The following ZFAND3 variants were observed in gnomAD, a reference collection of about 807,000 sequenced individuals.
ZFAND3 encodes AN1-type zinc finger protein 3.
In ZFAND3, 10 loss-of-function variants were observed where a neutral mutation model predicts 29.6. The observed-to-expected ratio is 0.34, with a 90% CI of 0.21 to 0.57. The LOEUF (loss-of-function observed/expected upper bound fraction) is 0.57, where lower values mean the gene tolerates loss of function less well. Ranked by LOEUF, ZFAND3 falls within the 20% of genes least tolerant of loss-of-function variation. The pLI is 0.86. For synonymous variants in ZFAND3, 128 were observed against 112.6 expected, an observed-to-expected ratio of 1.14 and a Z score of -0.87; for missense variants, 230 against 304.5, an observed-to-expected ratio of 0.76 and a Z score of 1.82.
intron 5 of ZFAND3, among the ~76,000 whole-genome samples, chr6:38,133,040 C>CA (rs1455295478): frequency 5.9e-5 from 9 of 152,200 alleles, no homozygotes; most frequent in African/African-American, 1.9e-4. Flanking sequence ...GGACTGGACT[C>CA]AGTGTTTGTC....
intron 1 of ZFAND3, among the ~76,000 whole-genome samples, chr6:37,918,242 A>AT (rs1761301074): frequency 6.6e-6 from 1 of 151,928 alleles, no homozygotes; most frequent in East Asian, 1.9e-4. Context: ...ACGCTGGCTA[A>AT]TTTTTTGTAT....
rs115378991 is a variant in ZFAND3, at chr6:37,864,071, T to C, written c.71+44055T>C. ...GCAACTCAAAATTTGTGTTTAATAT[T>C]TGCACCTTATGTTTAATGAACATAA... On this transcript the variant is annotated intron_variant, in intron 1 of 5. Transcript: ENST00000287218. 3.1e-3 allele frequency among the ~76,000 whole-genome samples: 468 copies of C among 152,300 alleles called. 2 individuals carry two copies. Among genetic ancestry groups the C allele is most frequent in the African/African-American group, 0.011 (445 of 41,558 alleles).
At chr6:38,080,259 A>C (rs748843579) in intron 3 of ZFAND3, among the ~76,000 whole-genome samples, 1 of 151,844 alleles carries the variant, frequency 6.6e-6, no homozygotes, top group Admixed American at 6.6e-5. Flanking sequence ...TACCTATGTA[A>C]CAAACCTGCA....
chr6:37,848,871 C>T (rs1764230866), intron 1 of ZFAND3, among the ~76,000 whole-genome samples: 1 of 151,922 alleles, frequency 6.6e-6, no homozygotes, highest in Non-Finnish European at 1.5e-5. Context: ...TATAGACAGG[C>T]ATAAGAGAAT....
intron 2 of ZFAND3, among the ~76,000 whole-genome samples, chr6:37,972,144 T>C (rs998538373): frequency 6.6e-6 from 1 of 152,214 alleles, no homozygotes; most frequent in African/African-American, 2.4e-5. Flanking sequence ...TTTTAACTTG[T>C]TTGCAATTTA....
intron 4 of ZFAND3, among the ~76,000 whole-genome samples, chr6:38,112,583 T>C (rs1293692158): frequency 2.6e-5 from 4 of 152,254 alleles, no homozygotes; most frequent in Non-Finnish European, 5.9e-5. Flanking sequence ...GGGAATGATA[T>C]TTGTGAGTAA....
chr6:38,097,948 A>G (rs1765015452), intron 4 of ZFAND3, among the ~76,000 whole-genome samples: 1 of 152,222 alleles, frequency 6.6e-6, no homozygotes, highest in Non-Finnish European at 1.5e-5. Flanking sequence ...TGAACAGGTG[A>G]GCGCTGTGAA....
intron 1 of ZFAND3, among the ~76,000 whole-genome samples, chr6:37,885,575 C>T (rs941601032): frequency 1.3e-5 from 2 of 152,028 alleles, no homozygotes; most frequent in African/African-American, 4.8e-5. Flanking sequence ...GCCTGGGAGG[C>T]GGAGGTTGCA....
intron 2 of ZFAND3, among the ~76,000 whole-genome samples, chr6:38,008,274 A>C (rs1372208631): frequency 6.6e-6 from 1 of 152,238 alleles, no homozygotes; most frequent in Non-Finnish European, 1.5e-5. Context: ...ATGATAATAT[A>C]GCTTATAATT....
intron 3 of ZFAND3, among the ~76,000 whole-genome samples, chr6:38,075,935 G>A (rs1300016807): frequency 6.6e-6 from 1 of 152,136 alleles, no homozygotes; most frequent in African/African-American, 2.4e-5. Flanking sequence ...TGTATTTTTA[G>A]TAGAGATTGG....
chr6:37,931,498 T>G (rs1173388745), intron 2 of ZFAND3, among the ~76,000 whole-genome samples: 4 of 149,524 alleles, frequency 2.7e-5, no homozygotes, highest in African/African-American at 9.9e-5. Context: ...GAGCTGAGAT[T>G]GCGCCACTGC....
intron 3 of ZFAND3, among the ~76,000 whole-genome samples, chr6:38,068,684 G>A (rs1395597375): frequency 6.6e-6 from 1 of 152,016 alleles, no homozygotes; most frequent in East Asian, 1.9e-4. Context: ...CTTGTCTACT[G>A]CATCCACCCA....
chr6:38,135,580 A>G (rs1032080082), intron 5 of ZFAND3, among the ~76,000 whole-genome samples: 9 of 152,136 alleles, frequency 5.9e-5, no homozygotes, highest in African/African-American at 2.2e-4. Context: ...CCCTGTCTCT[A>G]CTAAAAATAC....
intron 3 of ZFAND3, among the ~76,000 whole-genome samples, chr6:38,064,380 G>T (rs1378205211): frequency 6.6e-6 from 1 of 152,192 alleles, no homozygotes; most frequent in Non-Finnish European, 1.5e-5. Flanking sequence ...GGTAGATAGT[G>T]TCATTATACT....
chr6:38,082,716 G>A lies in ZFAND3; in HGVS notation c.361+259G>A, dbSNP rs111915228. Among the ~76,000 whole-genome samples, 80 of 152,204 alleles carry A rather than the reference G, an allele frequency of 5.3e-4. 1 individual carries two copies. Among genetic ancestry groups the A allele is most frequent in the Admixed American group, 1.4e-3 (22 of 15,274 alleles). On this transcript the variant is annotated intron_variant, in intron 4 of 5. Coordinates refer to ENST00000287218, the MANE Select transcript of ZFAND3 (RefSeq NM_021943.3). ...ACATAATTTCTAATATCTGAAGAAC[G>A]TTATTAAGACACAACAGAAATGCAG... is the stretch of plus-strand genomic sequence containing the variant.
At chr6:37,820,484 A>T (rs558866934) in intron 1 of ZFAND3, among the ~76,000 whole-genome samples, 24 of 152,282 alleles carry the variant, frequency 1.6e-4, no homozygotes, top group Admixed American at 1.6e-3. Flanking sequence ...GACTTGCATC[A>T]TCACTTCCTA....
At chr6:37,962,948 G>A (rs1017429132) in intron 2 of ZFAND3, among the ~76,000 whole-genome samples, 1 of 151,504 alleles carries the variant, frequency 6.6e-6, no homozygotes, top group African/African-American at 2.4e-5. Context: ...AAACAACTCC[G>A]GACGCACCAC....
intron 1 of ZFAND3, among the ~76,000 whole-genome samples, chr6:37,864,930 A>G (rs1764561913): frequency 6.6e-6 from 1 of 152,190 alleles, no homozygotes; most frequent in Non-Finnish European, 1.5e-5. Context: ...CTGTAATCCC[A>G]GCACTTTGGG....
intron 2 of ZFAND3, among the ~76,000 whole-genome samples, chr6:37,991,871 A>G (rs1346915961): frequency 6.6e-6 from 1 of 152,174 alleles, no homozygotes; most frequent in African/African-American, 2.4e-5. Context: ...ATGAAATCCT[A>G]CCAGAAGGAG....
Sources: allele counts gnomAD v4.1 joint callset (sites outside exome capture counted in the v4.1 genomes callset), GRCh38; gene constraint gnomAD v4.1.1; transcripts MANE v1.5; gene names NCBI Gene and HGNC (gene_info 2026-07-23, HGNC 2026-07-21).